Variants in PIKFYVE observed in about 807,000 individuals in gnomAD.
PIKFYVE encodes 1-phosphatidylinositol 3-phosphate 5-kinase.
In PIKFYVE, 122 loss-of-function variants were observed where a neutral mutation model predicts 257.9. The ratio of observed to expected loss-of-function variants is 0.47; its 90% CI spans 0.41 to 0.55. The LOEUF (loss-of-function observed/expected upper bound fraction) is 0.55. Ranked by LOEUF, PIKFYVE falls within the 20% of genes least tolerant of loss-of-function variation. PIKFYVE has a pLI of 0.00. For synonymous variants in PIKFYVE, 892 were observed against 868.9 expected (o/e 1.03, Z -0.47); for missense variants, 2,160 against 2,536.6 (o/e 0.85, Z 3.19).
At chr2:208,333,840 A>T (rs556630351) in intron 24 of PIKFYVE, among the ~76,000 whole-genome samples, 16 of 152,242 alleles carry the variant, frequency 1.1e-4, no homozygotes, top group South Asian at 6.2e-4. Context: ...ATGAGACAGG[A>T]TCTCACTGTT....
In PIKFYVE at chr2:208,310,013, A is replaced by G. The variant is rs902191175; in HGVS notation, c.1637-2223A>G. Among the ~76,000 whole-genome samples the G allele has an allele frequency of 2.0e-5, 3 of 152,330 alleles. No individual in the cohort carries two copies. In the East Asian group the frequency reaches 5.8e-4, roughly 29 times the overall value. The stretch of plus-strand genomic sequence containing the variant: ...AGTCTTATAATTTGAAGACTTTAAA[A>G]GTCTCTTAATAAATATTACTGGCTT... On this transcript the variant is annotated intron_variant, in intron 12 of 41. Coordinates refer to ENST00000264380, the MANE Select transcript of PIKFYVE (RefSeq NM_015040.4).
intron 13 of PIKFYVE, among the ~76,000 whole-genome samples, chr2:208,313,295 C>T (rs994354005): frequency 2.6e-5 from 4 of 152,022 alleles, no homozygotes; most frequent in African/African-American, 9.7e-5. Context: ...TTTCATTCAT[C>T]CTTTAAAAAA....
At chr2:208,333,521 G>T (rs1427317460) in intron 24 of PIKFYVE, 28 bp downstream of exon 24, 4 of 1,596,970 alleles carry the variant, frequency 2.5e-6, no homozygotes, top group Non-Finnish European at 3.4e-6. Context: ...TCTTGTGCAT[G>T]ATCTCAGATC....
intron 31 of PIKFYVE, among the ~76,000 whole-genome samples, chr2:208,341,644 G>A (rs1698713463): frequency 6.6e-6 from 1 of 152,164 alleles, no homozygotes; most frequent in South Asian, 2.1e-4. Flanking sequence ...GTAGATTGCT[G>A]TTGTCTCTTT....
Position 208,317,818 on chromosome 2 carries a change from C to T in PIKFYVE, c.2008-49C>T, listed in dbSNP as rs367582500. On this transcript the variant is annotated intron_variant, in intron 15 of 41. Transcript: ENST00000264380. ...ATAATAGCGTACATCTAACTAGATT[C>T]TAAGCATGTTATCATTGAATTTTAT... The T allele has an allele frequency of 2.4e-4, 355 of 1,484,730 alleles. 2 individuals carry two copies. In the African/African-American group the frequency reaches 3.6e-3, roughly 15 times the overall value. The allele number at this position is 1,484,730 out of a possible 1,614,324, so 92.0% of individuals were successfully genotyped here. A position where few individuals can be genotyped will look rare whatever the true frequency, so the allele number is the denominator to read the frequency against.
At chr2:208,339,082 G>A (rs879445588) in intron 29 of PIKFYVE, among the ~76,000 whole-genome samples, 17 of 152,120 alleles carry the variant, frequency 1.1e-4, no homozygotes, top group African/African-American at 2.9e-4. Flanking sequence ...TAAGCATGCC[G>A]TCTTTCTCAG....
rs137933481 is a variant in PIKFYVE at position 208,303,716 on chromosome 2, G to A, written c.1321-455G>A. Among the ~76,000 whole-genome samples, 42 of 152,300 alleles carry A rather than the reference G, an allele frequency of 2.8e-4. No individual in the cohort carries two copies. The East Asian group carries it at 6.9e-3, about 25-fold the overall frequency. ...TTAAACCCTTGTTCAAAGGTCAGCT[G>A]TGTAATGTTTAGTAACACCTTTGTG... On this transcript the variant is annotated intron_variant, in intron 10 of 41. Transcript: ENST00000264380.
rs1308803762 is a variant in PIKFYVE at position 208,304,337 on chromosome 2, C to T, written c.1468+19C>T. ...TTGGCTAGTGAGTTTAACTTTCTAA[C>T]ATTTTAGTTTTGATGGGTCATTGCT... On this transcript the variant is annotated intron_variant, in intron 11 of 41. Transcript: ENST00000264380. 6.2e-7 allele frequency: 1 copy of T among 1,612,302 alleles called. No individual in the cohort carries two copies. The highest frequency in any genetic ancestry group is 1.7e-5 in the Admixed American group (1 of 60,022).
intron 7 of PIKFYVE, among the ~76,000 whole-genome samples, chr2:208,295,890 T>C (rs1692911769): frequency 6.6e-6 from 1 of 152,220 alleles, no homozygotes; most frequent in Non-Finnish European, 1.5e-5. Flanking sequence ...AATGTTATTA[T>C]GTTTGCAAAA....
intron 38 of PIKFYVE, among the ~76,000 whole-genome samples, chr2:208,351,711 T>A (rs1699789729): frequency 6.6e-6 from 1 of 151,856 alleles, no homozygotes; most frequent in African/African-American, 2.4e-5. Context: ...GCATGTCACA[T>A]GGTGAGAGAC....
intron 13 of PIKFYVE, among the ~76,000 whole-genome samples, chr2:208,312,848 A>T (rs147453366): frequency 6.6e-6 from 1 of 152,186 alleles, no homozygotes; most frequent in East Asian, 1.9e-4. Flanking sequence ...AGTCCATAGT[A>T]CTCCACTGGT....
In PIKFYVE at chr2:208,326,419, G is replaced by C; in HGVS notation, c.3608G>C (p.Trp1203Ser). ...ERGLILSDAV[W>S]STKVDCLNPI... ...GGGCTTATTCTGAGTGATGCTGTGTGGTCAACAAAGGTGAGCCAGACCACT... is the reference window on the plus strand; with the variant it reads ...GGGCTTATTCTGAGTGATGCTGTGTCGTCAACAAAGGTGAGCCAGACCACT... The change falls in exon 20 of 42, where the codon TGG (tryptophan) becomes TCG (serine). Residue 1203 changes from tryptophan to serine, a missense_variant. Physicochemically the swap from Trp to Ser is radical, Grantham distance 177. Transcript: ENST00000264380. 1 of 1,613,966 alleles carries C rather than the reference G, an allele frequency of 6.2e-7. No individual in the cohort carries two copies. The highest frequency in any genetic ancestry group is 8.5e-7 in the Non-Finnish European group (1 of 1,179,924).
At chr2:208,339,901 G>C in intron 30 of PIKFYVE, 110 bp from the exon 31 acceptor site, 6 of 1,254,954 alleles carry the variant, frequency 4.8e-6, no homozygotes, top group Admixed American at 4.2e-5. Context: ...ACTGTTATTG[G>C]TATAGTATAC....
chr2:208,304,799 A>G (rs1197365993), intron 11 of PIKFYVE, 47 bp from the exon 12 acceptor site: 4 of 1,556,152 alleles, frequency 2.6e-6, no homozygotes, highest in Non-Finnish European at 3.5e-6. Flanking sequence ...ACCCATTTTT[A>G]CTCCCCTCCT....
rs1293364270 is a variant in PIKFYVE at position 208,317,943 on chromosome 2, T to C, written c.2082+2T>C. Reference sequence around the variant, plus strand: ...ACCAAGAACATTGCACATAAAAAGGTAATGTGATTCAGTTCAGCAGTGAAG... The same window carrying C: ...ACCAAGAACATTGCACATAAAAAGGCAATGTGATTCAGTTCAGCAGTGAAG... On this transcript the variant is annotated splice_donor_variant, in intron 16 of 41. Coordinates refer to ENST00000264380, the MANE Select transcript of PIKFYVE (RefSeq NM_015040.4). LOFTEE classifies it high-confidence loss of function. 6.2e-7 allele frequency: 1 copy of C among 1,612,856 alleles called. No individual in the cohort carries two copies. Among genetic ancestry groups the C allele is most frequent in the Non-Finnish European group, 8.5e-7 (1 of 1,178,860 alleles).
chr2:208,352,615 C>T, intron 38 of PIKFYVE, 39 bp from the exon 39 acceptor site: 1 of 1,605,440 alleles, frequency 6.2e-7, no homozygotes, highest in Non-Finnish European at 8.5e-7. Context: ...ATAAATAACC[C>T]TTTTTGATAA....
intron 5 of PIKFYVE, among the ~76,000 whole-genome samples, chr2:208,278,306 A>G (rs537961829): frequency 6.6e-6 from 1 of 151,224 alleles, no homozygotes; most frequent in South Asian, 2.1e-4. Context: ...TTTTTTTTCC[A>G]CCTAAACTAC....
intron 12 of PIKFYVE, 78 bp downstream of exon 12, chr2:208,305,091 C>T (rs1216137009): frequency 2.5e-6 from 4 of 1,594,314 alleles, no homozygotes; most frequent in Non-Finnish European, 3.4e-6. Context: ...GCCTGTCCTT[C>T]TGGCTTCCTC....
intron 5 of PIKFYVE, among the ~76,000 whole-genome samples, chr2:208,285,159 A>G (rs1022587316): frequency 3.9e-5 from 6 of 152,304 alleles, no homozygotes; most frequent in South Asian, 2.1e-4. Flanking sequence ...GCAATGGCAC[A>G]GTCTTGGCTC....
Sources: allele counts gnomAD v4.1 joint callset (sites outside exome capture counted in the v4.1 genomes callset), GRCh38; gene constraint gnomAD v4.1.1; transcripts MANE v1.5; gene names NCBI Gene and HGNC (gene_info 2026-07-23, HGNC 2026-07-21).